The following PLCH1 variants were observed in gnomAD, a reference collection of about 807,000 sequenced individuals.
PLCH1 encodes the protein phospholipase C eta 1.
A neutral mutation model predicts 126.7 loss-of-function variants in PLCH1; 60 were observed. The ratio of observed to expected loss-of-function variants is 0.47; its 90% CI spans 0.38 to 0.59. The LOEUF (loss-of-function observed/expected upper bound fraction) is 0.59. PLCH1 is among the 20% of genes least tolerant of loss of function. The probability of loss-of-function intolerance (pLI) is 0.00; values close to 1 mark genes in which losing one functional copy is unlikely to be tolerated. For synonymous variants in PLCH1, 719 were observed against 734.9 expected (o/e 0.98, Z 0.35); for missense variants, 1,723 against 2,040.0 (o/e 0.84, Z 2.99).
chr3:155,548,011 G>C (rs1725609732), intron 10 of PLCH1, among the ~76,000 whole-genome samples: 1 of 151,660 alleles, frequency 6.6e-6, no homozygotes, highest in South Asian at 2.1e-4. Context: ...GCACATTGTG[G>C]ACATATACCC....
At chr3:155,519,124 T>A (rs1160027451) in intron 11 of PLCH1, among the ~76,000 whole-genome samples, 2 of 152,206 alleles carry the variant, frequency 1.3e-5, no homozygotes, top group Non-Finnish European at 2.9e-5. Context: ...TTCATTAATA[T>A]ATTATCATTC....
intron 12 of PLCH1, among the ~76,000 whole-genome samples, chr3:155,509,146 G>T (rs956571527): frequency 1.4e-5 from 2 of 140,990 alleles, no homozygotes; most frequent in Non-Finnish European, 3.0e-5. Flanking sequence ...TTGCGTAGAG[G>T]TGTTTGTAGT....
intron 22 of PLCH1, among the ~76,000 whole-genome samples, chr3:155,484,102 C>T (rs1714623916): frequency 6.6e-6 from 1 of 152,012 alleles, no homozygotes; most frequent in Non-Finnish European, 1.5e-5. Flanking sequence ...TTTTTCTGTA[C>T]TTAATGCAAC....
intron 2 of PLCH1, among the ~76,000 whole-genome samples, chr3:155,700,065 C>A (rs1268773563): frequency 6.6e-6 from 1 of 152,150 alleles, no homozygotes; most frequent in African/African-American, 2.4e-5. Context: ...TATAAGGGAA[C>A]TTTACAATCT....
chr3:155,522,297 A>G (rs949525939), intron 11 of PLCH1, among the ~76,000 whole-genome samples: 1 of 152,236 alleles, frequency 6.6e-6, no homozygotes, highest in Non-Finnish European at 1.5e-5. Context: ...AGGAGAAAAA[A>G]GCAACTATTT....
At chr3:155,540,370 CA>C (rs1426812606) in intron 10 of PLCH1, among the ~76,000 whole-genome samples, 1 of 152,008 alleles carries the variant, frequency 6.6e-6, no homozygotes, top group African/African-American at 2.4e-5. Context: ...GTGAATGTAA[CA>C]AAAACAAAGA....
rs757497787 is a variant in PLCH1, at chr3:155,482,055, C to T, written c.3971G>A (p.Ser1324Asn). The change falls in exon 23 of 23, where the codon AGC becomes AAC. Residue 1324 changes from serine to asparagine, a missense_variant. Ser to Asn is a conservative substitution (Grantham distance 46, BLOSUM62 1). Around this residue, in one of 2 missense-constraint regions of PLCH1, gnomAD observed 947 missense variants for 977.1 expected, o/e 0.97. Transcript: ENST00000460012. ...GGTCAAATCAGGGGAAGAGGCAGGG[C>T]TGCAGCTCTTCAGTGTTTCCCAGTC... ...GEDWETLKSC[S>N]PASSPDLTLE... 8 of 1,614,022 alleles carry T rather than the reference C, an allele frequency of 5.0e-6. No individual in the cohort carries two copies. Among genetic ancestry groups the T allele is most frequent in the Non-Finnish European group, 6.8e-6 (8 of 1,180,032 alleles).
At chr3:155,570,101 C>G (rs561073635) in intron 6 of PLCH1, among the ~76,000 whole-genome samples, 11 of 152,204 alleles carry the variant, frequency 7.2e-5, no homozygotes, top group South Asian at 4.1e-4. Context: ...AGGATTGACT[C>G]TTTGCAAAAT....
chr3:155,642,559 C>A (rs1196763511), intron 2 of PLCH1, among the ~76,000 whole-genome samples: 1 of 152,140 alleles, frequency 6.6e-6, no homozygotes, highest in African/African-American at 2.4e-5. Context: ...ATTGCGCTCT[C>A]CAATGTGTAT....
intron 6 of PLCH1, among the ~76,000 whole-genome samples, chr3:155,570,251 T>G (rs981087921): frequency 6.6e-6 from 1 of 152,168 alleles, no homozygotes; most frequent in Admixed American, 6.5e-5. Flanking sequence ...TAAGACTTCA[T>G]TTAAGTTATA....
chr3:155,522,708 CTCTT>C (rs1287978560), intron 11 of PLCH1, among the ~76,000 whole-genome samples: 22 of 89,016 alleles, frequency 2.5e-4, no homozygotes, highest in African/African-American at 6.5e-4. Context: ...AAATTTCTCT[CTCTT>C]TTTTTTTTTT....
chr3:155,741,669 A>C (rs1305378877), intron 1 of PLCH1, among the ~76,000 whole-genome samples: 1 of 122,426 alleles, frequency 8.2e-6, no homozygotes, highest in East Asian at 2.2e-4. Context: ...TCCTTTTATC[A>C]TAATTTTATA....
chr3:155,708,408 T>A (rs114361478), intron 1 of PLCH1, among the ~76,000 whole-genome samples: 1 of 152,140 alleles, frequency 6.6e-6, no homozygotes, highest in African/African-American at 2.4e-5. Context: ...AGACTTCAAC[T>A]AAGACAAACC....
rs1695042112 is a variant in PLCH1, at chr3:155,529,214, A to T, written c.1363-5210T>A. On this transcript the variant is annotated intron_variant, in intron 10 of 22. Transcript: ENST00000460012. ...GAATTAATTTGTCTATGGTATATGG[A>T]AATATTGCTAGAGACTGGACTGGAA... Among the ~76,000 whole-genome samples, 3 of 152,178 alleles carry T rather than the reference A, an allele frequency of 2.0e-5. No individual in the cohort carries two copies. The South Asian group carries it at 6.2e-4, about 31-fold the overall frequency.
intron 2 of PLCH1, among the ~76,000 whole-genome samples, chr3:155,633,417 CA>C: frequency 4.1e-5 from 3 of 74,008 alleles, no homozygotes; most frequent in East Asian, 1.2e-3. Flanking sequence ...TAACATCACA[CA>C]CACACACACA....
At chr3:155,652,210 T>G (rs1740776796) in intron 2 of PLCH1, among the ~76,000 whole-genome samples, 1 of 152,246 alleles carries the variant, frequency 6.6e-6, no homozygotes, top group Non-Finnish European at 1.5e-5. Context: ...TCACTCATGC[T>G]ACTGGACCCC....
intron 2 of PLCH1, among the ~76,000 whole-genome samples, chr3:155,652,452 A>C (rs1740819027): frequency 6.6e-6 from 1 of 152,200 alleles, no homozygotes; most frequent in Admixed American, 6.5e-5. Flanking sequence ...TGTTTAGGTT[A>C]GCAAAGGAAG....
intron 2 of PLCH1, among the ~76,000 whole-genome samples, chr3:155,613,170 C>CA (rs1185896716): frequency 6.6e-6 from 1 of 151,792 alleles, no homozygotes; most frequent in Admixed American, 6.6e-5. Flanking sequence ...AAATTGCCAG[C>CA]AAAAAAATGT....
intron 10 of PLCH1, among the ~76,000 whole-genome samples, chr3:155,544,104 C>G (rs1226891769): frequency 0.012 from 1,875 of 151,568 alleles, 30 homozygotes; most frequent in Middle Eastern, 0.044. Context: ...ATTGGATAAA[C>G]AGTCAAGACC....
Sources: allele counts gnomAD v4.1 joint callset (sites outside exome capture counted in the v4.1 genomes callset), GRCh38; gene constraint gnomAD v4.1.1; regional missense constraint gnomAD v4.1.1; transcripts MANE v1.5; gene names NCBI Gene and HGNC (gene_info 2026-07-23, HGNC 2026-07-21).